Variants in FOCAD observed in about 807,000 individuals in gnomAD.
FOCAD encodes focadhesin, also known as KIAA1797.
FOCAD carries 198 observed loss-of-function variants against 225.6 expected under a neutral mutation model. The observed-to-expected ratio is 0.88, with a 90% CI of 0.78 to 0.99. The LOEUF is 0.99. FOCAD is among the 50% of genes least tolerant of loss of function. FOCAD has a pLI of 0.00. For synonymous variants in FOCAD, 897 were observed against 755.0 expected (o/e 1.19, Z -3.08); for missense variants, 2,713 against 2,123.6 (o/e 1.28, Z -5.46).
chr9:20,732,877 C>A (rs1359037756), intron 4 of FOCAD, among the ~76,000 whole-genome samples: 2 of 152,084 alleles, frequency 1.3e-5, no homozygotes, highest in African/African-American at 4.8e-5. Flanking sequence ...TTCTGGCTTT[C>A]TCTACATTTA....
At chr9:20,698,820 T>G (rs1823598519) in intron 1 of FOCAD, among the ~76,000 whole-genome samples, 2 of 152,238 alleles carry the variant, frequency 1.3e-5, no homozygotes, top group Non-Finnish European at 2.9e-5. Flanking sequence ...GTCCTTAGTT[T>G]ATCTTTTAGA....
intron 28 of FOCAD, among the ~76,000 whole-genome samples, chr9:20,943,402 A>G (rs971351228): frequency 5.3e-5 from 8 of 152,224 alleles, no homozygotes; most frequent in Middle Eastern, 3.4e-3. Context: ...GGCACCATGA[A>G]GGGCACTGAG....
At position 20,867,167 on chromosome 9, in the gene FOCAD, T is replaced by G. The variant is rs1392120750; in HGVS notation, c.2190+155T>G. 3.3e-5 allele frequency among the ~76,000 whole-genome samples: 5 copies of G among 151,932 alleles called. No homozygotes were observed. The Admixed American group carries it at 3.3e-4, about 10-fold the overall frequency. On this transcript the variant is annotated intron_variant, in intron 18 of 43. Transcript: ENST00000338382. ...CAAATTCATACCCATTATTTGTTTA[T>G]ATGTAAAAGACTGTAGAGGTTTGAA...
chr9:20,700,261 A>G (rs1450682268), intron 1 of FOCAD, among the ~76,000 whole-genome samples: 1 of 152,214 alleles, frequency 6.6e-6, no homozygotes, highest in Non-Finnish European at 1.5e-5. Context: ...GCTATGATAA[A>G]TAATAGCTGT....
intron 1 of FOCAD, among the ~76,000 whole-genome samples, chr9:20,698,023 T>G (rs968084534): frequency 3.3e-5 from 5 of 152,258 alleles, no homozygotes; most frequent in Non-Finnish European, 5.9e-5. Context: ...AAGTGAGACT[T>G]TTTTTGCCTT....
At chr9:20,906,981 C>A (rs1207115230) in intron 21 of FOCAD, among the ~76,000 whole-genome samples, 169 bp from the exon 22 acceptor site, 1 of 152,050 alleles carries the variant, frequency 6.6e-6, no homozygotes, top group African/African-American at 2.4e-5. Flanking sequence ...AAACTCTTCT[C>A]CTTAGGAATA....
intron 35 of FOCAD, among the ~76,000 whole-genome samples, chr9:20,972,850 C>T (rs1186082930): frequency 6.6e-6 from 1 of 152,204 alleles, no homozygotes; most frequent in Non-Finnish European, 1.5e-5. Flanking sequence ...TCCCATGCTT[C>T]TCCTTTCTGC....
intron 28 of FOCAD, 147 bp from the exon 29 acceptor site, chr9:20,944,480 T>C: frequency 1.3e-6 from 1 of 768,050 alleles, no homozygotes; most frequent in East Asian, 2.6e-5. Context: ...TTGTCATGGA[T>C]GATGGGGCAC....
intron 42 of FOCAD, among the ~76,000 whole-genome samples, chr9:20,991,217 G>A (rs1218794761): frequency 1.3e-5 from 2 of 152,294 alleles, no homozygotes; most frequent in African/African-American, 4.8e-5. Flanking sequence ...GCATAACTGT[G>A]CTTACTGTAC....
At chr9:20,829,179 G>A (rs908724442) in intron 15 of FOCAD, among the ~76,000 whole-genome samples, 1 of 152,186 alleles carries the variant, frequency 6.6e-6, no homozygotes, top group East Asian at 1.9e-4. Flanking sequence ...GGGTCAGATG[G>A]TATTTCTAGA....
At chr9:20,705,288 A>G (rs912632342) in intron 1 of FOCAD, among the ~76,000 whole-genome samples, 3 of 152,196 alleles carry the variant, frequency 2.0e-5, no homozygotes, top group Non-Finnish European at 4.4e-5. Context: ...TGTTTCATCT[A>G]TCAGTCTTCT....
intron 11 of FOCAD, among the ~76,000 whole-genome samples, chr9:20,813,067 C>G (rs1290083298): frequency 6.6e-6 from 1 of 152,116 alleles, no homozygotes; most frequent in African/African-American, 2.4e-5. Flanking sequence ...CTACTTTCTG[C>G]TCTAAGAGTT....
intron 22 of FOCAD, 41 bp from the exon 23 acceptor site, chr9:20,912,825 C>A: frequency 6.6e-7 from 1 of 1,504,950 alleles, no homozygotes; most frequent in Non-Finnish European, 9.2e-7. Context: ...ATCACTTCAG[C>A]CATCGAGTTC....
chr9:20,706,116 G>A (rs923382813), intron 1 of FOCAD, among the ~76,000 whole-genome samples: 1 of 151,538 alleles, frequency 6.6e-6, no homozygotes, highest in South Asian at 2.1e-4. Flanking sequence ...TAAACTTTTT[G>A]TAGAGATGGA....
intron 32 of FOCAD, 40 bp downstream of exon 32, chr9:20,948,968 G>A: frequency 6.4e-7 from 1 of 1,564,196 alleles, no homozygotes; most frequent in African/African-American, 1.4e-5. Flanking sequence ...ATCTAAATAT[G>A]TACATAGCCA....
intron 7 of FOCAD, among the ~76,000 whole-genome samples, chr9:20,768,489 C>G (rs1162036750): frequency 6.6e-6 from 1 of 151,286 alleles, no homozygotes; most frequent in Non-Finnish European, 1.5e-5. Flanking sequence ...TGTTTGTATC[C>G]TCTTTTATTT....
At chr9:20,762,191 A>T (rs1198677300) in intron 6 of FOCAD, among the ~76,000 whole-genome samples, 1 of 152,214 alleles carries the variant, frequency 6.6e-6, no homozygotes, top group East Asian at 1.9e-4. Context: ...TACATTATTA[A>T]AGAGAGATGG....
At chr9:20,815,137 G>GTTTTTGTTTTTTTTTTTTTT (rs1823563180) in intron 11 of FOCAD, among the ~76,000 whole-genome samples, 1 of 69,116 alleles carries the variant, frequency 1.4e-5, no homozygotes, top group African/African-American at 6.0e-5. Context: ...TTTTTTTTTT[G>GTTTTTGTTTTTTTTTTTTTT]TTTTTTTTTT....
chr9:20,728,068 A>T (rs760803336), intron 4 of FOCAD, among the ~76,000 whole-genome samples: 21 of 152,244 alleles, frequency 1.4e-4, no homozygotes, highest in Admixed American at 3.9e-4. Flanking sequence ...TAATTATGCC[A>T]TATTAACCTA....
Sources: gnomAD v4.1 joint callset for allele counts (sites outside exome capture counted in the v4.1 genomes callset) on GRCh38, gnomAD v4.1.1 for gene constraint, MANE v1.5 for transcripts, NCBI Gene and HGNC (gene_info 2026-07-23, HGNC 2026-07-21) for gene names.